KLF4: variants seen among roughly 807,000 people sequenced by gnomAD.
The protein encoded by KLF4 is Krueppel-like factor 4.
Under a neutral mutation model 38.0 loss-of-function variants are expected in KLF4, and 14 were observed. That is an observed-to-expected ratio of 0.37 (90% CI 0.24 to 0.58). The LOEUF is 0.58. Among genes scored for constraint, KLF4 ranks in the 20% least tolerant of loss-of-function variants. The pLI, the probability that KLF4 is intolerant of heterozygous loss-of-function variation, is 0.76. For missense variants in KLF4, 737 were observed against 670.1 expected (o/e 1.10, Z -1.10); for synonymous variants, 398 against 302.5 (o/e 1.32, Z -3.28).
At position 107,488,128 on chromosome 9, in the gene KLF4, G is replaced by T; in HGVS notation, c.266C>A (p.Ala89Glu). Residue 89 changes from alanine to glutamate, a missense_variant, in exon 3 of 5, where the codon GCG (alanine) becomes GAG (glutamate). Physicochemically the swap from Ala to Glu is moderately radical, Grantham distance 107. This residue lies in a region of KLF4 where 695 missense variants were observed against 554.5 expected (regional missense o/e 1.25). Coordinates refer to ENST00000374672, the MANE Select transcript of KLF4 (RefSeq NM_004235.6). This position sits in a 1 kb window ranked among gnomAD's most constrained non-coding sequence, Gnocchi z 5.7. ...AGAACGGSNL[A>E]PLPRRETEEF... is the part of the protein sequence containing the mutation. ...CTCGGTCTCTCTCCGAGGTAGGGGC[G>T]CCAGGTTGCTACCGCCGCAAGCCGC... 2 of 1,612,698 alleles carry T rather than the reference G, an allele frequency of 1.2e-6. No individual in the cohort carries two copies. The highest frequency in any genetic ancestry group is 1.1e-5 in the South Asian group (1 of 91,088).
intron 1 of KLF4, 21 bp from the exon 2 acceptor site, chr9:107,489,071 G>T: frequency 4.5e-6 from 7 of 1,552,492 alleles, no homozygotes; most frequent in Non-Finnish European, 6.1e-6. Context: ...GGCAGGGAGC[G>T]GAGACAGGAG....
In KLF4 at chr9:107,488,510, C is replaced by A; in HGVS notation, c.127-243G>T. On this transcript the variant is annotated intron_variant, in intron 2 of 4. Coordinates refer to ENST00000374672, the MANE Select transcript of KLF4 (RefSeq NM_004235.6). This position sits in a 1 kb window ranked among gnomAD's most constrained non-coding sequence, Gnocchi z 5.7. The stretch of plus-strand genomic sequence containing the variant: ...CTGCCCAATTGCGTGTGAGCGAGCG[C>A]CGCGGCTGGTCCCTCCCCCTCCAGG... 3.1e-6 allele frequency: 2 copies of A among 653,008 alleles called. No individual in the cohort carries two copies. The highest frequency in any genetic ancestry group is 3.1e-5 in the East Asian group (1 of 32,178). 40.5% of individuals were successfully genotyped at this position (653,008 alleles called of 1,614,324 possible).
intron 4 of KLF4, 106 bp downstream of exon 4, chr9:107,486,922 G>T (rs764365768): frequency 1.8e-5 from 29 of 1,588,414 alleles, no homozygotes; most frequent in Non-Finnish European, 2.5e-5. Context: ...GTAGCCTATG[G>T]GGCTGGAAGC....
At chr9:107,489,089 G>A in intron 1 of KLF4, 39 bp from the exon 2 acceptor site, 2 of 1,550,658 alleles carry the variant, frequency 1.3e-6, no homozygotes. Context: ...GAGAGTCAGG[G>A]GCGGCTTTCG....
chr9:107,489,149 C>A lies in KLF4; in HGVS notation c.5+19G>T. 1 of 1,533,786 alleles carries A rather than the reference C, an allele frequency of 6.5e-7. No homozygotes were observed. Among genetic ancestry groups the A allele is most frequent in the Non-Finnish European group, 8.8e-7 (1 of 1,137,330 alleles). On this transcript the variant is annotated intron_variant, in intron 1 of 4. Transcript: ENST00000374672. ...GGTCCTCACCCCTCCCTGCTCCCAG[C>A]GCCGCGCGCCTCACCTACCTCATTA...
chr9:107,489,343 G>T lies in KLF4; in HGVS notation c.-171C>A. ...AGCGTCTTTTTTAAAAAGTTCCTTTGTATACAAAAGTTCTTAGAAAAGTTG... is the reference window on the plus strand; with the variant it reads ...AGCGTCTTTTTTAAAAAGTTCCTTTTTATACAAAAGTTCTTAGAAAAGTTG... On this transcript the variant is annotated 5_prime_UTR_variant, in exon 1 of 5. Transcript: ENST00000374672. The T allele has an allele frequency of 3.4e-6, 3 of 889,256 alleles. No individual in the cohort carries two copies. The highest frequency in any genetic ancestry group is 4.7e-6 in the Non-Finnish European group (3 of 635,482). The allele number at this position is 889,256 out of a possible 1,614,324, so 55.1% of individuals were successfully genotyped here.
rs201493293 is a variant in KLF4 at position 107,487,002 on chromosome 9, C to T, written c.1264+26G>A. 4 of 1,614,048 alleles carry T rather than the reference C, an allele frequency of 2.5e-6. No homozygotes were observed. Among genetic ancestry groups the T allele is most frequent in the Admixed American group, 3.3e-5 (2 of 60,006 alleles). ...CCTATGGGGCTGGAAGCTAACCCCC[C>T]TCCCTTCTGCAGTTTGTCCCCCTAC... is the stretch of plus-strand genomic sequence containing the variant. On this transcript the variant is annotated intron_variant, in intron 4 of 4. Transcript: ENST00000374672. The surrounding 1 kb of genome is among the most constrained non-coding windows in gnomAD (Gnocchi z 6.1).
Position 107,485,567 on chromosome 9 carries a change from G to T in KLF4, c.*184C>A. The T allele has an allele frequency of 1.8e-6, 1 of 562,598 alleles. No homozygotes were observed. Among genetic ancestry groups the T allele is most frequent in the Non-Finnish European group, 3.0e-6 (1 of 330,850 alleles). 34.9% of individuals were successfully genotyped at this position (562,598 alleles called of 1,614,324 possible). ...CAGTCACAGACCCCATCTGTTCTTT[G>T]ATTTTTGTCTTTTGGATTCCTCATT... On this transcript the variant is annotated 3_prime_UTR_variant, in exon 5 of 5. Transcript: ENST00000374672. The surrounding 1 kb of genome is among the most constrained non-coding windows in gnomAD (Gnocchi z 4.9).
chr9:107,486,520 A>G (rs1039778373), intron 4 of KLF4, among the ~76,000 whole-genome samples: 1 of 152,032 alleles, frequency 6.6e-6, no homozygotes, highest in African/African-American at 2.4e-5. Flanking sequence ...GGGAAAAAAA[A>G]TAAAAATGTA....
chr9:107,489,276 A>C lies in KLF4; in HGVS notation c.-104T>G. The C allele has an allele frequency of 2.0e-5, 27 of 1,324,492 alleles. No individual in the cohort carries two copies. Among genetic ancestry groups the C allele is most frequent in the South Asian group, 3.3e-5 (2 of 60,772 alleles). 82.0% of individuals were successfully genotyped at this position (1,324,492 alleles called of 1,614,324 possible). ...ACGAAGCCAAAACCCAAAACCCCAA[A>C]TTGGCCGAGATCCTTCTTCTTTGGA... On this transcript the variant is annotated 5_prime_UTR_variant, in exon 1 of 5. Transcript: ENST00000374672.
chr9:107,486,978 C>T (rs2133186978), intron 4 of KLF4, 50 bp downstream of exon 4: 1 of 1,613,908 alleles, frequency 6.2e-7, no homozygotes, highest in Non-Finnish European at 8.5e-7. Flanking sequence ...CACTGGTAGC[C>T]TATGGGGCTG....
In KLF4 at chr9:107,489,346, T is replaced by C; in HGVS notation, c.-174A>G. ...GTCTTTTTTAAAAAGTTCCTTTGTA[T>C]ACAAAAGTTCTTAGAAAAGTTGTAA... is the stretch of plus-strand genomic sequence containing the variant. On this transcript the variant is annotated 5_prime_UTR_variant, in exon 1 of 5. Coordinates refer to ENST00000374672, the MANE Select transcript of KLF4 (RefSeq NM_004235.6). The C allele has an allele frequency of 1.1e-6, 1 of 890,324 alleles. No homozygotes were observed. The highest frequency in any genetic ancestry group is 1.6e-6 in the Non-Finnish European group (1 of 636,174). The allele number at this position is 890,324 out of a possible 1,614,324, so 55.2% of individuals were successfully genotyped here. A position where few individuals can be genotyped will look rare whatever the true frequency, so the allele number is the denominator to read the frequency against.
chr9:107,485,998 G>T lies in KLF4; in HGVS notation c.1265-72C>A. 7.0e-7 allele frequency: 1 copy of T among 1,429,726 alleles called. No homozygotes were observed. Among genetic ancestry groups the T allele is most frequent in the Non-Finnish European group, 9.5e-7 (1 of 1,048,538 alleles). 88.6% of individuals were successfully genotyped at this position (1,429,726 alleles called of 1,614,324 possible). A position where few individuals can be genotyped will look rare whatever the true frequency, so the allele number is the denominator to read the frequency against. ...AGAATCGCCCCTTTTAAAAACTGAA[G>T]GCCAGATAGTAAACCAACTCTGACC... On this transcript the variant is annotated intron_variant, in intron 4 of 4. Transcript: ENST00000374672. This position sits in a 1 kb window ranked among gnomAD's most constrained non-coding sequence, Gnocchi z 4.9.
rs1245380324 is a variant in KLF4 at position 107,488,993 on chromosome 9, G to A, written c.63C>T (p.Ser21=). 6.4e-7 allele frequency: 1 copy of A among 1,568,032 alleles called. No individual in the cohort carries two copies. The highest frequency in any genetic ancestry group is 8.7e-7 in the Non-Finnish European group (1 of 1,156,040). ...TTCCCGCCGGGCCAGACGCGAACGT[G>A]GAGAAAGATGGGAGCAGCGCGTCGC... The part of the protein sequence containing the change: ...AVSDALLPSF[S]TFASGPAGRE... Residue 21 remains serine, a synonymous_variant, in exon 2 of 5, where the codon TCC becomes TCT. Coordinates refer to ENST00000374672, the MANE Select transcript of KLF4 (RefSeq NM_004235.6). The surrounding 1 kb of genome is among the most constrained non-coding windows in gnomAD (Gnocchi z 5.7).
Position 107,489,067 on chromosome 9 carries a change from G to A in KLF4, c.6-17C>T, listed in dbSNP as rs1165406804. ...GGTGGCTGCCTGCGAGCAAGGCAGG[G>A]AGCGGAGACAGGAGAGTCAGGGGCG... On this transcript the variant is annotated splice_polypyrimidine_tract_variant and intron_variant, in intron 1 of 4. Transcript: ENST00000374672. 5 of 1,552,880 alleles carry A rather than the reference G, an allele frequency of 3.2e-6. No homozygotes were observed. The highest frequency in any genetic ancestry group is 4.4e-6 in the Non-Finnish European group (5 of 1,147,718).
Position 107,487,544 on chromosome 9 carries a change from A to T in KLF4, c.850T>A (p.Ser284Thr). The T allele has an allele frequency of 6.4e-7, 1 of 1,566,324 alleles. No individual in the cohort carries two copies. Among genetic ancestry groups the T allele is most frequent in the East Asian group, 2.3e-5 (1 of 44,280 alleles). The change falls in exon 3 of 5, where the codon TCG (serine) becomes ACG (threonine). Residue 284 changes from serine (S) to threonine (T), a missense_variant. Ser to Thr is a moderately conservative substitution (Grantham distance 58, BLOSUM62 1). Transcript: ENST00000374672. The surrounding 1 kb of genome is among the most constrained non-coding windows in gnomAD (Gnocchi z 6.1). Reference sequence around the variant, plus strand: ...GGTCCAGCGCCCAAGTGGGTGCACGAAGAGACCGCCTCCTGCTTGATCTTG... The same window carrying T: ...GGTCCAGCGCCCAAGTGGGTGCACGTAGAGACCGCCTCCTGCTTGATCTTG... ...CPKIKQEAVS[S>T]CTHLGAGPPL... is the part of the protein sequence containing the mutation.
Position 107,487,335 on chromosome 9 carries a change from G to C in KLF4, c.1059C>G (p.Pro353=), listed in dbSNP as rs768093198. 2.8e-5 allele frequency: 43 copies of C among 1,558,180 alleles called. No homozygotes were observed. Among genetic ancestry groups the C allele is most frequent in the East Asian group, 9.0e-5 (4 of 44,358 alleles). Residue 353 remains proline, a synonymous_variant, in exon 3 of 5, where the codon CCC becomes CCG. Coordinates refer to ENST00000374672, the MANE Select transcript of KLF4 (RefSeq NM_004235.6). The surrounding 1 kb of genome is among the most constrained non-coding windows in gnomAD (Gnocchi z 6.1). ...GCGGGACTTGCGGCTGCATCTGATCGGGCAGGAAGGATGGGTAATTGGGCC... is the reference window on the plus strand; with the variant it reads ...GCGGGACTTGCGGCTGCATCTGATCCGGCAGGAAGGATGGGTAATTGGGCC... ...HPGPNYPSFL[P]DQMQPQVPPL...
Position 107,488,062 on chromosome 9 carries a change from T to C in KLF4, c.332A>G (p.Asn111Ser). Residue 111 changes from asparagine to serine, a missense_variant, in exon 3 of 5, where the codon AAT (asparagine) becomes AGT (serine). By Grantham distance (46) the Asn-to-Ser change is conservative. Coordinates refer to ENST00000374672, the MANE Select transcript of KLF4 (RefSeq NM_004235.6). This position sits in a 1 kb window ranked among gnomAD's most constrained non-coding sequence, Gnocchi z 5.7. ...TGACTCCGGAGGATGGGTCAGCGAA[T>C]TGGAGAGAATAAAGTCCAGGTCCAG... is the stretch of plus-strand genomic sequence containing the variant. ...DLLDLDFILSNSLTHPPESVA... is the reference protein window; with the variant it reads ...DLLDLDFILSSSLTHPPESVA... 6.2e-7 allele frequency: 1 copy of C among 1,613,016 alleles called. No homozygotes were observed. Among genetic ancestry groups the C allele is most frequent in the Non-Finnish European group, 8.5e-7 (1 of 1,179,844 alleles).
At position 107,485,349 on chromosome 9, in the gene KLF4, G is replaced by A; in HGVS notation, c.*402C>T. ...AACATCATAATAATGGCTTTTAGAA[G>A]GTAAAGAGAATACAAGGTGATCTTT... On this transcript the variant is annotated 3_prime_UTR_variant, in exon 5 of 5. Coordinates refer to ENST00000374672, the MANE Select transcript of KLF4 (RefSeq NM_004235.6). This position sits in a 1 kb window ranked among gnomAD's most constrained non-coding sequence, Gnocchi z 4.9. 4.3e-6 allele frequency: 1 copy of A among 232,776 alleles called. No homozygotes were observed. Among genetic ancestry groups the A allele is most frequent in the East Asian group, 6.3e-5 (1 of 15,780 alleles). 14.4% of individuals were successfully genotyped at this position (232,776 alleles called of 1,614,324 possible).
Sources: allele counts gnomAD v4.1 joint callset (sites outside exome capture counted in the v4.1 genomes callset), GRCh38; gene constraint gnomAD v4.1.1; regional missense constraint gnomAD v4.1.1; non-coding constraint Gnocchi (gnomAD v3.1); transcripts MANE v1.5; gene names NCBI Gene and HGNC (gene_info 2026-07-23, HGNC 2026-07-21).